Variants in CPNE8 observed in about 807,000 individuals in gnomAD.
CPNE8 encodes the protein copine 8.
CPNE8 carries 45 observed loss-of-function variants against 81.5 expected under a neutral mutation model. The ratio of observed to expected loss-of-function variants is 0.55; its 90% CI spans 0.44 to 0.71. The LOEUF (loss-of-function observed/expected upper bound fraction) is 0.71. Among genes scored for constraint, CPNE8 ranks in the 30% least tolerant of loss-of-function variants. The probability of loss-of-function intolerance (pLI) is 0.00; values close to 1 mark genes in which losing one functional copy is unlikely to be tolerated. For missense variants in CPNE8, 594 were observed against 672.1 expected, an observed-to-expected ratio of 0.88 and a Z score of 1.28; for synonymous variants, 252 against 226.3, an observed-to-expected ratio of 1.11 and a Z score of -1.02.
At chr12:38,783,092 T>C (rs987907028) in intron 6 of CPNE8, among the ~76,000 whole-genome samples, 4 of 152,190 alleles carry the variant, frequency 2.6e-5, no homozygotes, top group East Asian at 1.9e-4. Context: ...TTGAGAGACA[T>C]AGAATAATAA....
chr12:38,849,377 T>G (rs1394988258), intron 3 of CPNE8, among the ~76,000 whole-genome samples: 1 of 152,082 alleles, frequency 6.6e-6, no homozygotes, highest in East Asian at 1.9e-4. Flanking sequence ...AAATATAAAA[T>G]TTACATCTCT....
chr12:38,724,827 A>G lies in CPNE8; in HGVS notation c.852+19T>C. 7.3e-7 allele frequency: 1 copy of G among 1,376,472 alleles called. No individual in the cohort carries two copies. Among genetic ancestry groups the G allele is most frequent in the Non-Finnish European group, 1.0e-6 (1 of 977,984 alleles). The allele number at this position is 1,376,472 out of a possible 1,614,324, so 85.3% of individuals were successfully genotyped here. On this transcript the variant is annotated intron_variant, in intron 12 of 19. Coordinates refer to ENST00000331366, the MANE Select transcript of CPNE8 (RefSeq NM_153634.3). ...TCATTTATTTTAATCTTTAATAAAT[A>G]ACATAAAATTTGACTTACTGTTCCA... is the stretch of plus-strand genomic sequence containing the variant.
At chr12:38,848,523 C>T in intron 4 of CPNE8, 36 bp downstream of exon 4, 1 of 1,541,658 alleles carries the variant, frequency 6.5e-7, no homozygotes, top group Non-Finnish European at 8.7e-7. Flanking sequence ...TCTTTAAAAT[C>T]AAATTTTTCT....
chr12:38,788,168 G>A (rs543212559), intron 6 of CPNE8, among the ~76,000 whole-genome samples: 5 of 151,598 alleles, frequency 3.3e-5, no homozygotes, highest in Admixed American at 3.3e-4. Flanking sequence ...AAAAAAGAAA[G>A]CTACAGGCCA....
At chr12:38,858,395 C>A (rs1321710309) in intron 3 of CPNE8, among the ~76,000 whole-genome samples, 1 of 152,212 alleles carries the variant, frequency 6.6e-6, no homozygotes, top group Non-Finnish European at 1.5e-5. Flanking sequence ...AAGTGTCAGT[C>A]TACAGCAACA....
intron 1 of CPNE8, among the ~76,000 whole-genome samples, chr12:38,885,599 A>C (rs992989245): frequency 2.0e-5 from 3 of 152,198 alleles, no homozygotes; most frequent in Non-Finnish European, 4.4e-5. Context: ...GAAATATCCA[A>C]ACTGCTTTTC....
At chr12:38,825,218 G>A (rs1943169713) in intron 6 of CPNE8, among the ~76,000 whole-genome samples, 1 of 152,186 alleles carries the variant, frequency 6.6e-6, no homozygotes, top group Admixed American at 6.5e-5. Flanking sequence ...CCTGTCACGA[G>A]AAGAAAACAC....
chr12:38,725,795 C>T (rs967145479), intron 11 of CPNE8, among the ~76,000 whole-genome samples: 1 of 151,274 alleles, frequency 6.6e-6, no homozygotes, highest in African/African-American at 2.4e-5. Context: ...TAAGCTGAGG[C>T]ATGTTAGGGA....
At chr12:38,897,868 A>G (rs116636140) in intron 1 of CPNE8, among the ~76,000 whole-genome samples, 2 of 152,054 alleles carry the variant, frequency 1.3e-5, no homozygotes, top group South Asian at 4.1e-4. Flanking sequence ...AACTTATTTA[A>G]TCCTCAAAGC....
At chr12:38,735,758 G>C (rs560957494) in intron 10 of CPNE8, among the ~76,000 whole-genome samples, 2 of 151,858 alleles carry the variant, frequency 1.3e-5, no homozygotes, top group African/African-American at 4.8e-5. Context: ...GCCAATCTCT[G>C]TCTAAATCTG....
intron 1 of CPNE8, among the ~76,000 whole-genome samples, chr12:38,896,616 A>T (rs1249170697): frequency 4.6e-5 from 7 of 152,142 alleles, no homozygotes; most frequent in Non-Finnish European, 7.4e-5. Flanking sequence ...CTTGGTTATT[A>T]TAGCAGACTA....
At chr12:38,683,173 T>C (rs1939449201) in intron 16 of CPNE8, among the ~76,000 whole-genome samples, 2 of 152,156 alleles carry the variant, frequency 1.3e-5, no homozygotes, top group Non-Finnish European at 1.5e-5. Flanking sequence ...ATAAACGTGC[T>C]TAAAATTGTT....
Position 38,670,810 on chromosome 12 carries a change from A to G in CPNE8, c.1433-8T>C. 4 of 1,592,998 alleles carry G rather than the reference A, an allele frequency of 2.5e-6. No individual in the cohort carries two copies. On this transcript the variant is annotated splice_region_variant and splice_polypyrimidine_tract_variant and intron_variant, in intron 18 of 19. Transcript: ENST00000331366. The stretch of plus-strand genomic sequence containing the variant: ...CATCCAATTCGACCATTGCTTTAAG[A>G]GAAAATATGATCATTTATTCAGTAC...
intron 16 of CPNE8, among the ~76,000 whole-genome samples, chr12:38,679,884 A>G (rs1395395179): frequency 1.3e-5 from 2 of 151,722 alleles, no homozygotes; most frequent in African/African-American, 2.4e-5. Flanking sequence ...AGCTGGCCAC[A>G]CCTCAATACT....
chr12:38,806,611 T>C (rs1352916886), intron 6 of CPNE8, among the ~76,000 whole-genome samples: 1 of 147,908 alleles, frequency 6.8e-6, no homozygotes, highest in Non-Finnish European at 1.5e-5. Context: ...CTCAAAATAA[T>C]AAGAGCTATC....
intron 6 of CPNE8, among the ~76,000 whole-genome samples, chr12:38,797,225 A>G (rs1266619840): frequency 1.3e-5 from 2 of 152,190 alleles, no homozygotes; most frequent in Admixed American, 1.3e-4. Context: ...TGGAGATCTG[A>G]GAACGGGCAG....
chr12:38,818,100 G>A (rs1943056513), intron 6 of CPNE8, among the ~76,000 whole-genome samples: 1 of 152,026 alleles, frequency 6.6e-6, no homozygotes, highest in Admixed American at 6.6e-5. Context: ...AAGGTTAGAG[G>A]AGTCAATAGA....
chr12:38,787,728 C>A (rs913912068), intron 6 of CPNE8, among the ~76,000 whole-genome samples: 1 of 151,004 alleles, frequency 6.6e-6, no homozygotes, highest in African/African-American at 2.4e-5. Context: ...AAGAGAAGAG[C>A]CAAATAAATA....
rs753964569 is a variant in CPNE8, at chr12:38,776,340, T to C, written c.408-39A>G. 22 of 763,380 alleles carry C rather than the reference T, an allele frequency of 2.9e-5. No individual in the cohort carries two copies. The East Asian group carries it at 4.1e-4, about 14-fold the overall frequency. 47.3% of individuals were successfully genotyped at this position (763,380 alleles called of 1,614,324 possible). A position where few individuals can be genotyped will look rare whatever the true frequency, so the allele number is the denominator to read the frequency against. Reference sequence around the variant, plus strand: ...AATATATTTATATACATTAATATGTTATATTAATACTATATAATATAAATT... The same window carrying C: ...AATATATTTATATACATTAATATGTCATATTAATACTATATAATATAAATT... On this transcript the variant is annotated intron_variant, in intron 6 of 19. Transcript: ENST00000331366.
Sources: gnomAD v4.1 joint callset for allele counts (sites outside exome capture counted in the v4.1 genomes callset) on GRCh38, gnomAD v4.1.1 for gene constraint, MANE v1.5 for transcripts, NCBI Gene and HGNC (gene_info 2026-07-23, HGNC 2026-07-21) for gene names.